Variants in SCML4 observed in about 807,000 individuals in gnomAD.
SCML4 encodes the protein sex comb on midleg-like protein 4.
In SCML4, 34 loss-of-function variants were observed where a neutral mutation model predicts 41.1. The observed-to-expected ratio is 0.83, with a 90% CI of 0.63 to 1.10. SCML4 has a LOEUF of 1.10. SCML4 is among the 50% of genes least tolerant of loss of function. SCML4 has a pLI of 0.00. For synonymous variants in SCML4, 214 were observed against 220.9 expected (o/e 0.97, Z 0.28); for missense variants, 522 against 534.1 (o/e 0.98, Z 0.22).
chr6:107,715,692 C>G (rs928718015), intron 6 of SCML4, among the ~76,000 whole-genome samples: 2 of 152,130 alleles, frequency 1.3e-5, no homozygotes, highest in Non-Finnish European at 2.9e-5. Context: ...CCACTGGCAG[C>G]GGAGACAGAC....
the SCML4 span, among the ~76,000 whole-genome samples, chr6:107,842,885 T>C: frequency 1.3e-5 from 2 of 152,220 alleles, no homozygotes; most frequent in African/African-American, 4.8e-5. Flanking sequence ...CGTTTTCTTA[T>C]TATGTAACAT....
chr6:107,723,815 A>C (rs185611040), intron 5 of SCML4, among the ~76,000 whole-genome samples: 6 of 152,180 alleles, frequency 3.9e-5, no homozygotes, highest in African/African-American at 1.4e-4. Flanking sequence ...ACTTCTACGA[A>C]GCCAGGATTA....
chr6:107,766,833 T>C (rs147880390), intron 2 of SCML4, among the ~76,000 whole-genome samples: 4 of 152,188 alleles, frequency 2.6e-5, no homozygotes, highest in African/African-American at 7.2e-5. Flanking sequence ...TGTGTCATAA[T>C]TTCCCCCACA....
At position 107,824,208 on chromosome 6, in the gene SCML4, A is replaced by G. The variant is rs1341337176; in HGVS notation, c.-142T>C. On this transcript the variant is annotated 5_prime_UTR_variant, in exon 1 of 8. The change abolishes an upstream ATG in the 5' untranslated region. Transcript: ENST00000369020. ...TCAGAAGACAGATGACTTTCAGCAC[A>G]TGCAAACCGAGTATTGCAAAAGCTA... 2.0e-5 allele frequency: 3 copies of G among 152,376 alleles called. No homozygotes were observed. Among genetic ancestry groups the G allele is most frequent in the African/African-American group, 4.8e-5 (2 of 41,556 alleles). The allele number at this position is 152,376 out of a possible 1,614,324, so 9.4% of individuals were successfully genotyped here.
chr6:107,720,978 G>C lies in SCML4; in HGVS notation c.698C>G (p.Thr233Ser). The change falls in exon 6 of 8, where the codon ACC becomes AGC. Residue 233 changes from threonine (T) to serine (S), a missense_variant. Coordinates refer to ENST00000369020, the MANE Select transcript of SCML4 (RefSeq NM_198081.5). ...CACAGGGTTCACCAGGTACTCTTCG[G>C]TGGTGACTGTCTTGACTAAGCAATA... Reference protein sequence around the residue: ...GRMESVKTVTTEEYLVNPVGM... With the variant: ...GRMESVKTVTSEEYLVNPVGM... 1 of 1,610,620 alleles carries C rather than the reference G, an allele frequency of 6.2e-7. No individual in the cohort carries two copies. The highest frequency in any genetic ancestry group is 8.5e-7 in the Non-Finnish European group (1 of 1,178,418).
Position 107,707,926 on chromosome 6 carries a change from C to T in SCML4, c.1059G>A (p.Trp353Ter). ...CCTGTGGGTCGGCGTCCTTCACAAA[C>T]CACACCACGTCCTCCACAGTCCAGG... is the stretch of plus-strand genomic sequence containing the variant. ...PSAWTVEDVVWFVKDADPQAL... is the reference protein window; with the variant it reads ...PSAWTVEDVV Residue 353 changes from tryptophan to a stop codon, truncating the protein, a stop_gained, in exon 7 of 8, where the codon TGG (tryptophan) becomes TGA (stop). Coordinates refer to ENST00000369020, the MANE Select transcript of SCML4 (RefSeq NM_198081.5). LOFTEE classifies it high-confidence loss of function. The T allele has an allele frequency of 1.9e-6, 3 of 1,551,732 alleles. No homozygotes were observed. Among genetic ancestry groups the T allele is most frequent in the Non-Finnish European group, 2.6e-6 (3 of 1,147,002 alleles).
intron 4 of SCML4, 50 bp from the exon 5 acceptor site, chr6:107,745,193 G>T (rs535969370): frequency 2.2e-6 from 3 of 1,368,018 alleles, no homozygotes; most frequent in South Asian, 1.4e-5. Context: ...GGAGAAAACC[G>T]CAAGTCAATC....
intron 2 of SCML4, among the ~76,000 whole-genome samples, chr6:107,751,704 C>A (rs886681533): frequency 2.0e-5 from 3 of 150,028 alleles, no homozygotes; most frequent in African/African-American, 7.4e-5. Context: ...GGCACCATCT[C>A]AGCTCACTGC....
chr6:107,845,791 A>G, the SCML4 span, among the ~76,000 whole-genome samples: 1 of 152,232 alleles, frequency 6.6e-6, no homozygotes, highest in African/African-American at 2.4e-5. Flanking sequence ...ATTACTATGA[A>G]CATTTACTAC....
At position 107,749,756 on chromosome 6, in the gene SCML4, C is replaced by CT. The variant is rs762907235; in HGVS notation, c.213dup (p.Glu72ArgfsTer88). The CT allele has an allele frequency of 4.3e-6, 7 of 1,614,002 alleles. No individual in the cohort carries two copies. The East Asian group carries it at 1.6e-4, about 36-fold the overall frequency. On this transcript the variant is annotated frameshift_variant, in exon 3 of 8. Transcript: ENST00000369020. LOFTEE classifies it high-confidence loss of function. ...TGAGGGATGGAGCTGAGGTCGGGCT[C>CT]TGGGGTACTCCGCGGAGGTGAGAGG...
intron 1 of SCML4, among the ~76,000 whole-genome samples, chr6:107,789,285 A>G (rs1402282669): frequency 6.6e-6 from 1 of 152,212 alleles, no homozygotes; most frequent in Admixed American, 6.5e-5. Flanking sequence ...AGCAGAGCAC[A>G]GGGACGTGAA....
At position 107,720,266 on chromosome 6, in the gene SCML4, G is replaced by A. The variant is rs902458624; in HGVS notation, c.973+437C>T. The A allele has an allele frequency of 5.6e-6, 4 of 711,172 alleles. No individual in the cohort carries two copies. The African/African-American group carries it at 7.8e-5, about 14-fold the overall frequency. The allele number at this position is 711,172 out of a possible 1,614,324, so 44.1% of individuals were successfully genotyped here. On this transcript the variant is annotated intron_variant, in intron 6 of 7. Coordinates refer to ENST00000369020, the MANE Select transcript of SCML4 (RefSeq NM_198081.5). ...TGATGAGCATCACTTTCAGATTGCA[G>A]GGAAGCACCTGTGTCTTCTCCACAC...
intron 1 of SCML4, among the ~76,000 whole-genome samples, chr6:107,774,244 T>C (rs200050641): frequency 6.6e-6 from 1 of 152,286 alleles, no homozygotes; most frequent in Non-Finnish European, 1.5e-5. Flanking sequence ...TTTTCATATA[T>C]TAACATCTCT....
intron 2 of SCML4, among the ~76,000 whole-genome samples, chr6:107,764,619 G>A (rs1217208792): frequency 6.6e-6 from 1 of 152,140 alleles, no homozygotes; most frequent in Non-Finnish European, 1.5e-5. Flanking sequence ...ACCCAAGAGA[G>A]GAGACAATGA....
At chr6:107,799,116 G>A (rs557051470) in intron 1 of SCML4, among the ~76,000 whole-genome samples, 35 of 152,232 alleles carry the variant, frequency 2.3e-4, no homozygotes, top group Admixed American at 1.8e-3. Flanking sequence ...CTATACCCTT[G>A]TAAGTATTTC....
intron 5 of SCML4, among the ~76,000 whole-genome samples, chr6:107,742,835 C>T (rs549028307): frequency 4.1e-4 from 63 of 152,082 alleles, no homozygotes; most frequent in East Asian, 1.9e-3. Context: ...AAAAACACTG[C>T]GGGTACAAAG....
At chr6:107,824,692 C>T (rs1291791502), upstream of SCML4, among the ~76,000 whole-genome samples, 1 of 152,120 alleles carries the variant, frequency 6.6e-6, no homozygotes, top group Non-Finnish European at 1.5e-5. Context: ...TTCATTACCC[C>T]TCCTCTGTTG....
At chr6:107,841,435 C>T in the SCML4 span, among the ~76,000 whole-genome samples, 1 of 152,150 alleles carries the variant, frequency 6.6e-6, no homozygotes, top group Non-Finnish European at 1.5e-5. Context: ...GACACTGTGC[C>T]AGCACGGGGG....
At chr6:107,785,534 A>G (rs528340567) in intron 1 of SCML4, among the ~76,000 whole-genome samples, 3 of 152,322 alleles carry the variant, frequency 2.0e-5, no homozygotes, top group African/African-American at 7.2e-5. Context: ...ATGGCCTTGT[A>G]GTAGCACCTC....
Sources: gnomAD v4.1 joint callset for allele counts (sites outside exome capture counted in the v4.1 genomes callset) on GRCh38, gnomAD v4.1.1 for gene constraint, MANE v1.5 for transcripts, NCBI Gene and HGNC (gene_info 2026-07-23, HGNC 2026-07-21) for gene names.